Variants in FIG4 observed in about 807,000 individuals in gnomAD.
The protein encoded by FIG4 is FIG4 phosphoinositide 5-phosphatase, also known as polyphosphoinositide phosphatase.
A neutral mutation model predicts 118.6 loss-of-function variants in FIG4; 112 were observed. That is an observed-to-expected ratio of 0.94 (90% CI 0.81 to 1.11). The LOEUF is 1.11. Ranked by LOEUF, FIG4 falls within the 50% of genes least tolerant of loss-of-function variation. The pLI, the probability that FIG4 is intolerant of heterozygous loss-of-function variation, is 0.00. For missense variants in FIG4, 969 were observed against 1,111.7 expected, an observed-to-expected ratio of 0.87 and a Z score of 1.83; for synonymous variants, 369 against 381.2, an observed-to-expected ratio of 0.97 and a Z score of 0.37.
intron 17 of FIG4, 190 bp from the exon 18 acceptor site, chr6:109,786,112 G>A (rs1562683410): frequency 8.4e-6 from 5 of 594,038 alleles, no homozygotes; most frequent in Non-Finnish European, 1.5e-5. Flanking sequence ...GCTTTGCATT[G>A]TATTTTCTAT....
chr6:109,710,596 TTTG>T (rs1293303204), intron 1 of FIG4, among the ~76,000 whole-genome samples: 3 of 152,056 alleles, frequency 2.0e-5, no homozygotes, highest in Admixed American at 6.6e-5. Context: ...GGATTTTTGT[TTTG>T]TTGTTGTTGT....
intron 22 of FIG4, among the ~76,000 whole-genome samples, chr6:109,823,909 G>GC (rs1562703560): frequency 6.6e-6 from 1 of 152,130 alleles, no homozygotes; most frequent in African/African-American, 2.4e-5. Flanking sequence ...TTGTCATTGT[G>GC]CCCCCCAGCC....
intron 13 of FIG4, 132 bp from the exon 14 acceptor site, chr6:109,764,881 C>T: frequency 1.3e-6 from 1 of 768,132 alleles, no homozygotes; most frequent in Non-Finnish European, 2.2e-6. Context: ...AGGAATAATA[C>T]CTGCCCACAG....
intron 22 of FIG4, among the ~76,000 whole-genome samples, chr6:109,821,946 A>C (rs1022372541): frequency 1.1e-4 from 17 of 152,144 alleles, no homozygotes; most frequent in African/African-American, 4.1e-4. Flanking sequence ...AGGGCAAGGC[A>C]GGAGGATCGC....
At chr6:109,799,542 A>G (rs1232372941) in intron 22 of FIG4, among the ~76,000 whole-genome samples, 8 of 152,220 alleles carry the variant, frequency 5.3e-5, no homozygotes, top group African/African-American at 1.9e-4. Flanking sequence ...TTTCTAGTAT[A>G]TTTAAGAGTC....
At chr6:109,730,292 T>C (rs1394291749) in intron 4 of FIG4, among the ~76,000 whole-genome samples, 1 of 152,100 alleles carries the variant, frequency 6.6e-6, no homozygotes, top group Non-Finnish European at 1.5e-5. Context: ...CAAACAGTTC[T>C]CCCACCTCGG....
At chr6:109,770,862 G>A (rs892076917) in intron 15 of FIG4, among the ~76,000 whole-genome samples, 5 of 152,144 alleles carry the variant, frequency 3.3e-5, no homozygotes, top group African/African-American at 1.2e-4. Flanking sequence ...ATATCACAGG[G>A]TCAGGGTTTC....
chr6:109,800,104 C>T (rs1287416284), intron 22 of FIG4, among the ~76,000 whole-genome samples: 1 of 151,990 alleles, frequency 6.6e-6, no homozygotes, highest in African/African-American at 2.4e-5. Flanking sequence ...AGTTATGTAA[C>T]TTGCCCAAGG....
Position 109,792,620 on chromosome 6 carries a change from C to T in FIG4, c.2415C>T (p.Asn805=), listed in dbSNP as rs750990611. 1 of 1,604,036 alleles carries T rather than the reference C, an allele frequency of 6.2e-7. No individual in the cohort carries two copies. The highest frequency in any genetic ancestry group is 1.1e-5 in the South Asian group (1 of 90,846). ...CCATGAAGGAGCTATATGGAATTAA[C>T]CTCTCAGATGGCCTCTCAGAAGAAG... ...VQPMKELYGI[N]LSDGLSEEDF... is the part of the protein sequence containing the mutation. Residue 805 remains asparagine, a synonymous_variant, in exon 21 of 23, where the codon AAC becomes AAT. Coordinates refer to ENST00000230124, the MANE Select transcript of FIG4 (RefSeq NM_014845.6).
At chr6:109,761,694 A>G (rs1306530468) in intron 11 of FIG4, among the ~76,000 whole-genome samples, 2 of 152,078 alleles carry the variant, frequency 1.3e-5, no homozygotes, top group African/African-American at 2.4e-5. Flanking sequence ...GCTGCCATTC[A>G]TATTATTTTG....
chr6:109,710,840 C>T (rs1175730823), intron 1 of FIG4, among the ~76,000 whole-genome samples: 2 of 151,672 alleles, frequency 1.3e-5, no homozygotes, highest in African/African-American at 4.8e-5. Context: ...CTTGTTGCTT[C>T]TGATTGTGTT....
At chr6:109,800,141 A>G (rs1473054883) in intron 22 of FIG4, among the ~76,000 whole-genome samples, 2 of 152,096 alleles carry the variant, frequency 1.3e-5, no homozygotes, top group Admixed American at 6.5e-5. Context: ...TAGAGGAACC[A>G]GGATTTAAAC....
chr6:109,764,353 G>A (rs1275537463), intron 13 of FIG4, among the ~76,000 whole-genome samples: 1 of 151,644 alleles, frequency 6.6e-6, no homozygotes, highest in Non-Finnish European at 1.5e-5. Flanking sequence ...CAGGAGAATC[G>A]CTTGAATCTG....
At position 109,724,278 on chromosome 6, in the gene FIG4, C is replaced by T. The variant is rs114791617; in HGVS notation, c.290-2831C>T. On this transcript the variant is annotated intron_variant, in intron 3 of 22. Coordinates refer to ENST00000230124, the MANE Select transcript of FIG4 (RefSeq NM_014845.6). ...TTGCTCACTGCCACTCCTCTCCCCC[C>T]TGGGATTCCATTAACTAATATTTCA... is the stretch of plus-strand genomic sequence containing the variant. 4.1e-3 allele frequency among the ~76,000 whole-genome samples: 619 copies of T among 152,236 alleles called. 8 individuals carry two copies. The highest frequency in any genetic ancestry group is 0.014 in the African/African-American group (577 of 41,526).
At chr6:109,701,919 A>G (rs974446952) in intron 1 of FIG4, among the ~76,000 whole-genome samples, 1 of 152,308 alleles carries the variant, frequency 6.6e-6, no homozygotes, top group South Asian at 2.1e-4. Flanking sequence ...GTTTCTACAG[A>G]GGATTTGAAG....
At position 109,763,922 on chromosome 6, in the gene FIG4, T is replaced by C. The variant is rs369732689; in HGVS notation, c.1389-15T>C. On this transcript the variant is annotated splice_polypyrimidine_tract_variant and intron_variant, in intron 12 of 22. Coordinates refer to ENST00000230124, the MANE Select transcript of FIG4 (RefSeq NM_014845.6). The stretch of plus-strand genomic sequence containing the variant: ...TGCCATTAAGTTTTTTAAAAGTGTT[T>C]ATTTTTAAACACAGGTGGAATGAAC... 5 of 1,595,914 alleles carry C rather than the reference T, an allele frequency of 3.1e-6. No homozygotes were observed. The African/African-American group carries it at 6.7e-5, about 21-fold the overall frequency.
At chr6:109,801,596 T>A (rs1028992440) in intron 22 of FIG4, among the ~76,000 whole-genome samples, 4 of 152,156 alleles carry the variant, frequency 2.6e-5, no homozygotes, top group Admixed American at 2.0e-4. Context: ...ACCATACGCT[T>A]GCATTTATCC....
At chr6:109,757,922 C>T (rs1273178772) in intron 10 of FIG4, among the ~76,000 whole-genome samples, 1 of 152,128 alleles carries the variant, frequency 6.6e-6, no homozygotes, top group African/African-American at 2.4e-5. Flanking sequence ...AGGACCTCTT[C>T]AAGGAGAACT....
At chr6:109,786,110 T>C in intron 17 of FIG4, 192 bp from the exon 18 acceptor site, 1 of 590,490 alleles carries the variant, frequency 1.7e-6, no homozygotes, top group South Asian at 2.0e-5. Flanking sequence ...CAGCTTTGCA[T>C]TGTATTTTCT....
Sources: gnomAD v4.1 joint callset for allele counts (sites outside exome capture counted in the v4.1 genomes callset) on GRCh38, gnomAD v4.1.1 for gene constraint, MANE v1.5 for transcripts, NCBI Gene and HGNC (gene_info 2026-07-23, HGNC 2026-07-21) for gene names.